The following OPCML variants were observed in gnomAD, a reference collection of about 807,000 sequenced individuals.
The protein encoded by OPCML is opioid-binding protein/cell adhesion molecule.
A neutral mutation model predicts 37.8 loss-of-function variants in OPCML; 13 were observed. That is an observed-to-expected ratio of 0.34 (90% CI 0.22 to 0.55). The LOEUF is 0.55. Ranked by LOEUF, OPCML falls within the 20% of genes least tolerant of loss-of-function variation. The pLI is 0.91. For missense variants in OPCML, 341 were observed against 435.6 expected (o/e 0.78, Z 1.93); for synonymous variants, 176 against 168.8 (o/e 1.04, Z -0.33).
intron 4 of OPCML, among the ~76,000 whole-genome samples, chr11:132,498,310 A>C (rs1276581234): frequency 6.6e-6 from 1 of 152,194 alleles, no homozygotes; most frequent in Non-Finnish European, 1.5e-5. Flanking sequence ...AACAAAGGCC[A>C]TTGGTCATCT....
chr11:132,492,274 G>A lies in OPCML; in HGVS notation c.505+36787C>T, dbSNP rs555350349. On this transcript the variant is annotated intron_variant, in intron 4 of 7. Coordinates refer to ENST00000524381, the MANE Select transcript of OPCML (RefSeq NM_001012393.5). ...AGGTGGGCATGACTGAGGGGCCCGC[G>A]AGGAGAAACAAAGGTAACAGTTAAG... Among the ~76,000 whole-genome samples the A allele has an allele frequency of 8.6e-4, 131 of 152,130 alleles. 1 individual carries two copies. The highest frequency in any genetic ancestry group is 3.1e-3 in the African/African-American group (128 of 41,506).
intron 1 of OPCML, among the ~76,000 whole-genome samples, chr11:133,458,281 T>C (rs754647157): frequency 2.6e-5 from 2 of 75,886 alleles, no homozygotes; most frequent in African/African-American, 3.9e-4. Flanking sequence ...TATACACACA[T>C]ATATACACGT....
At chr11:132,577,930 T>A (rs1037531054) in intron 3 of OPCML, among the ~76,000 whole-genome samples, 2 of 152,184 alleles carry the variant, frequency 1.3e-5, no homozygotes, top group South Asian at 2.1e-4. Flanking sequence ...ATAGTTATAC[T>A]GATACCAGTA....
intron 1 of OPCML, among the ~76,000 whole-genome samples, chr11:133,526,006 C>T (rs1335171679): frequency 6.6e-6 from 1 of 152,214 alleles, no homozygotes; most frequent in Non-Finnish European, 1.5e-5. Flanking sequence ...GTTCTCAAAG[C>T]ATTTTGTAAA....
chr11:132,486,347 C>T (rs576713146), intron 4 of OPCML, among the ~76,000 whole-genome samples: 1 of 152,098 alleles, frequency 6.6e-6, no homozygotes. Flanking sequence ...TAAGAATGTG[C>T]CACCAAGGTT....
chr11:132,543,339 C>T lies in OPCML; in HGVS notation c.380-14153G>A, dbSNP rs73035377. Among the ~76,000 whole-genome samples the T allele has an allele frequency of 4.6e-3, 693 of 152,092 alleles. 1 individual carries two copies. Among genetic ancestry groups the T allele is most frequent in the Non-Finnish European group, 6.8e-3 (465 of 67,990 alleles). On this transcript the variant is annotated intron_variant, in intron 3 of 7. Transcript: ENST00000524381. ...CCAGCCTGGGCAATGTAGCAAGTCC[C>T]TGTCTCTTTAAAATGCACACACACA...
At chr11:133,446,520 G>A (rs1160971903) in intron 1 of OPCML, among the ~76,000 whole-genome samples, 1 of 152,058 alleles carries the variant, frequency 6.6e-6, no homozygotes, top group Admixed American at 6.5e-5. Context: ...CAACTCCTGG[G>A]CTCAAGGGAT....
chr11:133,512,073 G>A (rs1293064494), intron 1 of OPCML, among the ~76,000 whole-genome samples: 1 of 152,180 alleles, frequency 6.6e-6, no homozygotes, highest in Non-Finnish European at 1.5e-5. Context: ...AACACCAGCT[G>A]GGTGTTCCAA....
chr11:133,221,932 G>A (rs1273401531), intron 1 of OPCML, among the ~76,000 whole-genome samples: 5 of 152,190 alleles, frequency 3.3e-5, no homozygotes, highest in Non-Finnish European at 5.9e-5. Context: ...TTCTGAAGAT[G>A]TCTTATGTGA....
At chr11:132,804,932 T>C (rs891684397) in intron 2 of OPCML, among the ~76,000 whole-genome samples, 7 of 152,274 alleles carry the variant, frequency 4.6e-5, no homozygotes, top group East Asian at 1.9e-4. Flanking sequence ...AATCCACCAA[T>C]AGACACTGAA....
At chr11:133,044,179 A>C (rs1565415492) in intron 1 of OPCML, among the ~76,000 whole-genome samples, 1 of 152,210 alleles carries the variant, frequency 6.6e-6, no homozygotes, top group African/African-American at 2.4e-5. Flanking sequence ...ATGTGCTTGC[A>C]TGTGTGCACA....
At chr11:133,387,733 G>A (rs4430522) in intron 1 of OPCML, among the ~76,000 whole-genome samples, 46,511 of 152,112 alleles carry the variant, frequency 0.31, 7,416 homozygotes, top group African/African-American at 0.39. Flanking sequence ...CATGGCTTGC[G>A]ATTCGACTGA....
At chr11:132,527,827 G>A (rs2096312666) in intron 4 of OPCML, among the ~76,000 whole-genome samples, 1 of 152,076 alleles carries the variant, frequency 6.6e-6, no homozygotes. Context: ...TTACTCGTGT[G>A]GACACTGATA....
chr11:133,500,726 T>A (rs1198504110), intron 1 of OPCML, among the ~76,000 whole-genome samples: 1 of 152,214 alleles, frequency 6.6e-6, no homozygotes, highest in East Asian at 1.9e-4. Context: ...AAGTCAGTTC[T>A]TCCTGACCCC....
At chr11:132,736,013 G>T (rs568601537) in intron 2 of OPCML, among the ~76,000 whole-genome samples, 1 of 152,254 alleles carries the variant, frequency 6.6e-6, no homozygotes, top group Admixed American at 6.5e-5. Flanking sequence ...AAATAGCCCA[G>T]GCCTTGTGTC....
intron 1 of OPCML, among the ~76,000 whole-genome samples, chr11:133,366,673 C>A (rs1592238315): frequency 6.6e-6 from 1 of 152,320 alleles, no homozygotes; most frequent in African/African-American, 2.4e-5. Flanking sequence ...ATACCCAGGT[C>A]TCTACTTCTT....
intron 1 of OPCML, among the ~76,000 whole-genome samples, chr11:133,387,923 A>T (rs546089292): frequency 1.6e-4 from 24 of 152,328 alleles, no homozygotes; most frequent in African/African-American, 4.8e-4. Context: ...TGACAGTCAG[A>T]ACCTTTTCCA....
intron 4 of OPCML, among the ~76,000 whole-genome samples, chr11:132,443,035 T>G (rs1274923005): frequency 2.0e-5 from 3 of 152,188 alleles, no homozygotes; most frequent in Non-Finnish European, 4.4e-5. Context: ...TTTGGAATGA[T>G]TAAAAGTCAC....
chr11:132,603,871 A>G (rs539859735), intron 3 of OPCML, among the ~76,000 whole-genome samples: 29 of 152,268 alleles, frequency 1.9e-4, no homozygotes, highest in Non-Finnish European at 3.7e-4. Flanking sequence ...TTTAGCAATG[A>G]TCTTGTATCC....
Sources: gnomAD v4.1 joint callset for allele counts (sites outside exome capture counted in the v4.1 genomes callset) on GRCh38, gnomAD v4.1.1 for gene constraint, MANE v1.5 for transcripts, NCBI Gene and HGNC (gene_info 2026-07-23, HGNC 2026-07-21) for gene names.